MYLK: variants seen among roughly 807,000 people sequenced by gnomAD.
The protein encoded by MYLK is myosin light chain kinase, also known as myosin light chain kinase, smooth muscle.
MYLK carries 106 observed loss-of-function variants against 203.4 expected under a neutral mutation model. The ratio of observed to expected loss-of-function variants is 0.52; its 90% CI spans 0.45 to 0.61. The LOEUF (loss-of-function observed/expected upper bound fraction) is 0.61. Ranked by LOEUF, MYLK falls within the 20% of genes least tolerant of loss-of-function variation. The pLI is 0.00. For synonymous variants in MYLK, 867 were observed against 959.5 expected (o/e 0.90, Z 1.78); for missense variants, 2,072 against 2,442.3 (o/e 0.85, Z 3.20).
rs2057238423 is a variant in MYLK, at chr3:123,611,155, TTG to T, written c.*2948_*2949del. On this transcript the variant is annotated 3_prime_UTR_variant, in exon 34 of 34. Transcript: ENST00000360304. Reference sequence around the variant, plus strand: ...AAATATTTATTAACTGGACAATGGATTGTTTCTTTCCAGACTACATCAAAGAA... The same window carrying T: ...AAATATTTATTAACTGGACAATGGATTTTCTTTCCAGACTACATCAAAGAA... The T allele has an allele frequency of 6.6e-6, 1 of 152,208 alleles. No homozygotes were observed. The highest frequency in any genetic ancestry group is 2.4e-5 in the African/African-American group (1 of 41,442). 9.4% of individuals were successfully genotyped at this position (152,208 alleles called of 1,614,324 possible).
intron 3 of MYLK, among the ~76,000 whole-genome samples, chr3:123,821,796 GA>G (rs2065946699): frequency 6.6e-6 from 1 of 152,158 alleles, no homozygotes; most frequent in Admixed American, 6.5e-5. Context: ...CCAATTGCCA[GA>G]AAACCCAACC....
intron 14 of MYLK, 107 bp from the exon 15 acceptor site, chr3:123,709,002 T>G: frequency 1.1e-6 from 1 of 902,838 alleles, no homozygotes; most frequent in Non-Finnish European, 1.7e-6. Flanking sequence ...CCAACAACTC[T>G]CTATGCTTTC....
At position 123,667,144 on chromosome 3, in the gene MYLK, C is replaced by T. The variant is rs769086535; in HGVS notation, c.3696G>A (p.Pro1232=). The change falls in exon 21 of 34, where the codon CCG becomes CCA. Residue 1232 remains proline, a synonymous_variant. Transcript: ENST00000360304. ...VKKKPAPKTP[P]KAAMPPQIIQ... Reference sequence around the variant, plus strand: ...AGTGCCGTGGCCAATTACCTGCCTTCGGAGGTGTCTTGGGGGCAGGTTTCT... The same window carrying T: ...AGTGCCGTGGCCAATTACCTGCCTTTGGAGGTGTCTTGGGGGCAGGTTTCT... 28 of 1,613,958 alleles carry T rather than the reference C, an allele frequency of 1.7e-5. No individual in the cohort carries two copies. Among genetic ancestry groups the T allele is most frequent in the East Asian group, 4.5e-5 (2 of 44,876 alleles).
chr3:123,697,794 C>T (rs2060993426), intron 18 of MYLK, among the ~76,000 whole-genome samples: 1 of 152,222 alleles, frequency 6.6e-6, no homozygotes, highest in Admixed American at 6.5e-5. Flanking sequence ...GGGGCTCTCT[C>T]TGGAATCCCT....
chr3:123,777,242 G>A (rs1216858096), intron 4 of MYLK, among the ~76,000 whole-genome samples: 2 of 152,232 alleles, frequency 1.3e-5, no homozygotes, highest in Non-Finnish European at 2.9e-5. Context: ...ACTATGCTGG[G>A]AAGTAGGAAT....
chr3:123,659,990 T>C (rs1471701), intron 23 of MYLK, among the ~76,000 whole-genome samples: 8,743 of 152,252 alleles, frequency 0.057, 538 homozygotes, highest in East Asian at 0.25. Flanking sequence ...TCTTGAGGTC[T>C]CTTGGTCCTC....
At chr3:123,654,400 C>T (rs192937239) in intron 24 of MYLK, among the ~76,000 whole-genome samples, 16 of 152,294 alleles carry the variant, frequency 1.1e-4, no homozygotes, top group East Asian at 3.9e-4. Context: ...TCCATACTCA[C>T]GATGGCTCTA....
intron 19 of MYLK, among the ~76,000 whole-genome samples, chr3:123,682,832 C>T (rs1270632695): frequency 6.6e-6 from 1 of 152,170 alleles, no homozygotes; most frequent in African/African-American, 2.4e-5. Context: ...CCTCTGAGCA[C>T]ACAGCCAGCA....
intron 29 of MYLK, among the ~76,000 whole-genome samples, chr3:123,631,577 T>C (rs924722801): frequency 6.6e-6 from 1 of 152,140 alleles, no homozygotes; most frequent in African/African-American, 2.4e-5. Flanking sequence ...ACTTGAAATA[T>C]TGGGAGAAAA....
intron 11 of MYLK, among the ~76,000 whole-genome samples, chr3:123,728,158 A>G (rs2062354172): frequency 1.3e-5 from 2 of 152,214 alleles, no homozygotes; most frequent in South Asian, 4.1e-4. Context: ...ACGGTTTCAG[A>G]ATGCCAGAAA....
Position 123,724,736 on chromosome 3 carries a change from G to A in MYLK, c.1651+1208C>T, listed in dbSNP as rs550689267. Among the ~76,000 whole-genome samples, 106 of 55,110 alleles carry A rather than the reference G, an allele frequency of 1.9e-3. No homozygotes were observed. The South Asian group carries it at 0.1, about 53-fold the overall frequency. The allele number at this position is 55,110 out of a possible 152,430, so 36.2% of individuals were successfully genotyped here. ...GGGACCACTGCTCGCTCGCTTGCTC[G>A]CTCTTTCATTTATTTATTTATTTAT... On this transcript the variant is annotated intron_variant, in intron 12 of 33. Transcript: ENST00000360304.
intron 2 of MYLK, among the ~76,000 whole-genome samples, chr3:123,833,739 G>C (rs1359528993): frequency 6.6e-6 from 1 of 152,152 alleles, no homozygotes; most frequent in East Asian, 1.9e-4. Context: ...CTGATAATAT[G>C]GGTGAAATGA....
chr3:123,638,031 C>T, intron 29 of MYLK, 40 bp downstream of exon 29: 1 of 1,612,600 alleles, frequency 6.2e-7, no homozygotes, highest in South Asian at 1.1e-5. Flanking sequence ...CACTGGTCCA[C>T]CAAGTGGTCC....
chr3:123,662,011 A>G (rs2059580443), intron 23 of MYLK, among the ~76,000 whole-genome samples: 1 of 152,150 alleles, frequency 6.6e-6, no homozygotes, highest in South Asian at 2.1e-4. Context: ...ACCTGGTTGG[A>G]CAAGGACTTC....
intron 23 of MYLK, among the ~76,000 whole-genome samples, chr3:123,657,638 C>A (rs1304974348): frequency 2.0e-5 from 3 of 152,118 alleles, no homozygotes; most frequent in Non-Finnish European, 4.4e-5. Context: ...TTATTTGCTC[C>A]AAAAAAGGCC....
chr3:123,649,780 T>G lies in MYLK; in HGVS notation c.4289-586A>C, dbSNP rs368144359. 1.6e-4 allele frequency among the ~76,000 whole-genome samples: 24 copies of G among 152,332 alleles called. No homozygotes were observed. In the East Asian group the frequency reaches 4.1e-3, roughly 26 times the overall value. On this transcript the variant is annotated intron_variant, in intron 24 of 33. Transcript: ENST00000360304. ...AAGTAACAATTTACAAAGTGTACCA[T>G]AATCACGCACATATCACCATGGTTC...
chr3:123,796,970 ATT>A (rs1223305477), intron 3 of MYLK, among the ~76,000 whole-genome samples: 1 of 152,180 alleles, frequency 6.6e-6, no homozygotes, highest in Non-Finnish European at 1.5e-5. Flanking sequence ...TAAGAACACT[ATT>A]TGCATTATTT....
At chr3:123,784,504 A>T (rs2064433206) in intron 4 of MYLK, among the ~76,000 whole-genome samples, 1 of 148,984 alleles carries the variant, frequency 6.7e-6, no homozygotes, top group Non-Finnish European at 1.5e-5. Context: ...AGATGGGGAC[A>T]TTAGTGTCAC....
At chr3:123,618,879 G>T in intron 32 of MYLK, 109 bp from the exon 33 acceptor site, 1 of 1,453,142 alleles carries the variant, frequency 6.9e-7, no homozygotes, top group Non-Finnish European at 9.5e-7. Flanking sequence ...TAGCAAAGAA[G>T]GCAGCTTTGA....
Sources: allele counts gnomAD v4.1 joint callset (sites outside exome capture counted in the v4.1 genomes callset), GRCh38; gene constraint gnomAD v4.1.1; transcripts MANE v1.5; gene names NCBI Gene and HGNC (gene_info 2026-07-23, HGNC 2026-07-21).